GIPC2: variants seen among roughly 807,000 people sequenced by gnomAD.
The protein encoded by GIPC2 is GIPC PDZ domain containing family member 2, also known as PDZ domain-containing protein GIPC2.
Under a neutral mutation model 30.6 loss-of-function variants are expected in GIPC2, and 30 were observed. That is an observed-to-expected ratio of 0.98 (90% CI 0.73 to 1.33). The LOEUF (loss-of-function observed/expected upper bound fraction) is 1.33. Ranked by LOEUF, GIPC2 falls within the 40% of genes most tolerant of loss-of-function variation. The probability of loss-of-function intolerance (pLI) is 0.00; values close to 1 mark genes in which losing one functional copy is unlikely to be tolerated. For missense variants in GIPC2, 414 were observed against 390.3 expected, an observed-to-expected ratio of 1.06 and a Z score of -0.51; for synonymous variants, 167 against 150.0, an observed-to-expected ratio of 1.11 and a Z score of -0.83.
intron 1 of GIPC2, among the ~76,000 whole-genome samples, chr1:78,059,768 CAA>C: frequency 6.6e-6 from 1 of 151,462 alleles, no homozygotes; most frequent in African/African-American, 2.4e-5. Flanking sequence ...TGAGAAAAAA[CAA>C]AAAACAATAA....
intron 2 of GIPC2, among the ~76,000 whole-genome samples, chr1:78,084,994 G>C (rs1239885596): frequency 6.6e-6 from 1 of 152,170 alleles, no homozygotes; most frequent in Non-Finnish European, 1.5e-5. Flanking sequence ...AGTGGTGAGA[G>C]AGAGCATATT....
At chr1:78,055,838 C>T (rs1661285418) in intron 1 of GIPC2, among the ~76,000 whole-genome samples, 1 of 152,158 alleles carries the variant, frequency 6.6e-6, no homozygotes, top group African/African-American at 2.4e-5. Flanking sequence ...GAGAGCTATG[C>T]ACATGGTAGA....
intron 2 of GIPC2, chr1:78,091,528 G>C (rs968879020): frequency 1.3e-6 from 1 of 743,786 alleles, no homozygotes; most frequent in Admixed American, 1.8e-5. Context: ...CCAAACAGCC[G>C]TCCGAGGAGG....
chr1:78,118,677 A>G (rs1201097832), intron 3 of GIPC2, among the ~76,000 whole-genome samples: 10 of 152,016 alleles, frequency 6.6e-5, no homozygotes, highest in Non-Finnish European at 1.3e-4. Flanking sequence ...TTTGGACCCT[A>G]TTTCTGTTGG....
chr1:78,086,350 G>T (rs1661927592), intron 2 of GIPC2, among the ~76,000 whole-genome samples: 1 of 152,136 alleles, frequency 6.6e-6, no homozygotes, highest in Non-Finnish European at 1.5e-5. Context: ...ATAATATGTG[G>T]TCAATTTTAG....
At chr1:78,045,522 G>C, upstream of GIPC2, 2 of 982,686 alleles carry the variant, frequency 2.0e-6, no homozygotes, top group African/African-American at 1.7e-5. Flanking sequence ...AGGTGCCAAG[G>C]ACCCGGCTGA....
chr1:78,085,743 T>G (rs1661916571), intron 2 of GIPC2, among the ~76,000 whole-genome samples: 1 of 152,042 alleles, frequency 6.6e-6, no homozygotes, highest in Non-Finnish European at 1.5e-5. Flanking sequence ...TTATTTTTAT[T>G]TCTGTGGGGT....
chr1:78,063,795 G>A (rs1159562469), intron 1 of GIPC2, among the ~76,000 whole-genome samples: 1 of 150,906 alleles, frequency 6.6e-6, no homozygotes, highest in Non-Finnish European at 1.5e-5. Context: ...AGGAGGCTGA[G>A]ACAGGAGAAT....
At position 78,086,567 on chromosome 1, in the gene GIPC2, T is replaced by C. The variant is rs186144423; in HGVS notation, c.426+5707T>C. Among the ~76,000 whole-genome samples the C allele has an allele frequency of 4.0e-3, 616 of 152,284 alleles. 4 individuals carry two copies. The highest frequency in any genetic ancestry group is 0.02 in the Middle Eastern group (6 of 294). On this transcript the variant is annotated intron_variant, in intron 2 of 5. Coordinates refer to ENST00000370759, the MANE Select transcript of GIPC2 (RefSeq NM_017655.6). ...TGTTCTGTGGGAGTCTGTGTCTCTT[T>C]GTAGGTCTTTAAGAACTTGCTTTAT...
rs192836223 is a variant in GIPC2, at chr1:78,130,247, C to T, written c.796+4285C>T. Reference sequence around the variant, plus strand: ...CCTCCTGAGCAGCTGGGATTATAGGCGCCCACCACCATGGCCAGCTAATTT... The same window carrying T: ...CCTCCTGAGCAGCTGGGATTATAGGTGCCCACCACCATGGCCAGCTAATTT... On this transcript the variant is annotated intron_variant, in intron 5 of 5. Transcript: ENST00000370759. Among the ~76,000 whole-genome samples the T allele has an allele frequency of 2.2e-3, 336 of 151,930 alleles. 1 individual carries two copies. Among genetic ancestry groups the T allele is most frequent in the African/African-American group, 7.7e-3 (320 of 41,452 alleles).
intron 1 of GIPC2, among the ~76,000 whole-genome samples, chr1:78,066,556 A>G (rs1661515432): frequency 6.6e-6 from 1 of 152,216 alleles, no homozygotes; most frequent in Non-Finnish European, 1.5e-5. Flanking sequence ...AGGAATATAG[A>G]TCATTTTACT....
intron 1 of GIPC2, among the ~76,000 whole-genome samples, chr1:78,078,765 T>G (rs1414195328): frequency 6.6e-6 from 1 of 151,264 alleles, no homozygotes; most frequent in Non-Finnish European, 1.5e-5. Context: ...ATTTTTTTTT[T>G]CCTAGCTAAT....
At chr1:78,100,088 T>C (rs558856724) in intron 3 of GIPC2, among the ~76,000 whole-genome samples, 12 of 152,284 alleles carry the variant, frequency 7.9e-5, no homozygotes, top group African/African-American at 1.2e-4. Flanking sequence ...TAAAGGGATA[T>C]AAGATAGAGT....
At chr1:78,125,749 G>T (rs1662769548) in intron 4 of GIPC2, 132 bp from the exon 5 acceptor site, 1 of 606,724 alleles carries the variant, frequency 1.6e-6, no homozygotes. Flanking sequence ...GCACATTCTA[G>T]ATCTATTTCC....
chr1:78,069,191 T>C, intron 1 of GIPC2: 1 of 567,506 alleles, frequency 1.8e-6, no homozygotes, highest in Non-Finnish European at 2.2e-6. Flanking sequence ...TCTTGGCTGC[T>C]CTTCACCCTT....
chr1:78,091,670 T>G (rs1275028803), intron 2 of GIPC2: 14 of 772,788 alleles, frequency 1.8e-5, no homozygotes, highest in Admixed American at 1.5e-4. Context: ...TCTTATTCAG[T>G]CTGCTGTTTT....
intron 3 of GIPC2, among the ~76,000 whole-genome samples, chr1:78,113,297 C>T (rs1662505425): frequency 6.6e-6 from 1 of 152,156 alleles, no homozygotes; most frequent in Non-Finnish European, 1.5e-5. Flanking sequence ...CAGTCTCAAA[C>T]TCCCAGGCTT....
chr1:78,129,716 C>T (rs76282689), intron 5 of GIPC2, among the ~76,000 whole-genome samples: 1,796 of 152,280 alleles, frequency 0.012, 40 homozygotes, highest in African/African-American at 0.041. Flanking sequence ...CTAAAAGATG[C>T]TGAGTCCTAT....
At chr1:78,122,328 T>G (rs554320747) in intron 4 of GIPC2, among the ~76,000 whole-genome samples, 1 of 152,364 alleles carries the variant, frequency 6.6e-6, no homozygotes, top group East Asian at 1.9e-4. Flanking sequence ...AAATCACTCC[T>G]TTAATCACCT....
Sources: allele counts gnomAD v4.1 joint callset (sites outside exome capture counted in the v4.1 genomes callset), GRCh38; gene constraint gnomAD v4.1.1; transcripts MANE v1.5; gene names NCBI Gene and HGNC (gene_info 2026-07-23, HGNC 2026-07-21).